The following CHODL variants were observed in gnomAD, a reference collection of about 807,000 sequenced individuals.
CHODL encodes transmembrane protein MT75.
In CHODL, 29 loss-of-function variants were observed where a neutral mutation model predicts 34.5. The ratio of observed to expected loss-of-function variants is 0.84; its 90% CI spans 0.63 to 1.15. The LOEUF is 1.15. Ranked by LOEUF, CHODL falls within the 50% of genes most tolerant of loss-of-function variation. The pLI, the probability that CHODL is intolerant of heterozygous loss-of-function variation, is 0.00. For missense variants in CHODL, 332 were observed against 332.5 expected, an observed-to-expected ratio of 1.00 and a Z score of 0.01; for synonymous variants, 125 against 116.1, an observed-to-expected ratio of 1.08 and a Z score of -0.49.
Position 18,003,146 on chromosome 21 carries a change from A to C in CHODL, c.-144-24726A>C, listed in dbSNP as rs565526634. ...CAAAAAAAAAAAAAACAAAAAAAAA[A>C]CCCAAGAGCCCTGGAGGCGTTCAAC... On this transcript the variant is annotated intron_variant, in intron 1 of 6. Coordinates refer to the CHODL transcript ENST00000400127. Among the ~76,000 whole-genome samples the C allele has an allele frequency of 7.0e-3, 1,041 of 148,268 alleles. 13 individuals carry two copies. The highest frequency in any genetic ancestry group is 0.023 in the African/African-American group (929 of 40,544).
chr21:18,043,958 T>C (rs891253605), intron 2 of CHODL, among the ~76,000 whole-genome samples: 2 of 151,798 alleles, frequency 1.3e-5, no homozygotes, highest in Non-Finnish European at 2.9e-5. Context: ...CAGAACAGTA[T>C]GTGGAAACCA....
chr21:18,095,337 C>A (rs1331049300), intron 2 of CHODL, among the ~76,000 whole-genome samples: 3 of 151,742 alleles, frequency 2.0e-5, no homozygotes, highest in Non-Finnish European at 2.9e-5. Context: ...ACAGCTGATA[C>A]CACAGAAATT....
chr21:17,991,923 C>T (rs2063800731), intron 1 of CHODL, among the ~76,000 whole-genome samples: 2 of 152,098 alleles, frequency 1.3e-5, no homozygotes, highest in South Asian at 4.2e-4. Context: ...ATGCATTTCC[C>T]CTATGTTTTC....
intron 2 of CHODL, among the ~76,000 whole-genome samples, chr21:18,193,711 T>A (rs2026858): frequency 0.022 from 2,648 of 119,556 alleles, 41 homozygotes; most frequent in African/African-American, 0.037. Flanking sequence ...AAAAAAAAAA[T>A]AAAATAAATA....
At chr21:18,211,433 ACAAT>A in intron 2 of CHODL, among the ~76,000 whole-genome samples, 1 of 152,318 alleles carries the variant, frequency 6.6e-6, no homozygotes, top group South Asian at 2.1e-4. Flanking sequence ...CAAATTAAAA[ACAAT>A]CAATGGCCCA....
At chr21:18,048,403 A>C (rs968778692) in intron 2 of CHODL, among the ~76,000 whole-genome samples, 1 of 151,974 alleles carries the variant, frequency 6.6e-6, no homozygotes, top group African/African-American at 2.4e-5. Flanking sequence ...GAATTAAAAA[A>C]CAATGAGACA....
chr21:18,029,466 CA>C (rs1044789771), intron 2 of CHODL, among the ~76,000 whole-genome samples: 25 of 152,234 alleles, frequency 1.6e-4, no homozygotes, highest in Admixed American at 1.4e-3. Context: ...GTTATGAAAA[CA>C]TAAACATTTT....
chr21:18,050,272 C>A (rs897981405), intron 2 of CHODL, among the ~76,000 whole-genome samples: 5 of 82,650 alleles, frequency 6.0e-5, no homozygotes, highest in Admixed American at 5.2e-4. Flanking sequence ...CAAATGAGAT[C>A]CTTGAAGGGG....
intron 2 of CHODL, among the ~76,000 whole-genome samples, chr21:18,051,034 C>T (rs2064508279): frequency 6.6e-6 from 1 of 151,562 alleles, no homozygotes; most frequent in Non-Finnish European, 1.5e-5. Context: ...ACTCATCAAC[C>T]CGTCATTTAC....
chr21:17,943,045 CT>C (rs1205933236), intron 1 of CHODL, among the ~76,000 whole-genome samples: 7 of 152,160 alleles, frequency 4.6e-5, no homozygotes, highest in East Asian at 1.9e-4. Context: ...AGCCATGCCC[CT>C]GGTACAGCTT....
At chr21:18,029,939 T>C (rs550753506) in intron 2 of CHODL, among the ~76,000 whole-genome samples, 1 of 152,236 alleles carries the variant, frequency 6.6e-6, no homozygotes, top group East Asian at 1.9e-4. Flanking sequence ...TGTTATTAGC[T>C]TTTATCCTCT....
chr21:18,018,095 G>A (rs66964943), intron 1 of CHODL, among the ~76,000 whole-genome samples: 30,970 of 152,022 alleles, frequency 0.2, 3,582 homozygotes, highest in African/African-American at 0.31. Flanking sequence ...TACCCACACT[G>A]TATCTTGGAA....
At chr21:18,025,725 G>C (rs1213867770) in intron 1 of CHODL, among the ~76,000 whole-genome samples, 1 of 151,918 alleles carries the variant, frequency 6.6e-6, no homozygotes, top group Non-Finnish European at 1.5e-5. Flanking sequence ...GAGCTAGAAG[G>C]CTGCGATCAA....
intron 1 of CHODL, among the ~76,000 whole-genome samples, chr21:17,977,293 G>A (rs184415414): frequency 1.2e-4 from 18 of 151,782 alleles, no homozygotes; most frequent in African/African-American, 4.1e-4. Flanking sequence ...AAGATTAGAT[G>A]TCTGGTACTC....
rs183422595 is a variant in CHODL, at chr21:18,084,029, T to C, written c.-45+56058T>C. 1.6e-4 allele frequency among the ~76,000 whole-genome samples: 24 copies of C among 152,268 alleles called. No homozygotes were observed. In the East Asian group the frequency reaches 3.5e-3, roughly 22 times the overall value. On this transcript the variant is annotated intron_variant, in intron 2 of 6. Coordinates refer to the CHODL transcript ENST00000400127. ...TCCCCACTCAAATCTCATCTTGAATTGTAATCCACATGTGTCAGGAAAGGG... is the reference window on the plus strand; with the variant it reads ...TCCCCACTCAAATCTCATCTTGAATCGTAATCCACATGTGTCAGGAAAGGG...
chr21:18,071,462 T>G (rs564888817), intron 2 of CHODL, among the ~76,000 whole-genome samples: 1 of 152,088 alleles, frequency 6.6e-6, no homozygotes, highest in South Asian at 2.1e-4. Context: ...GCTCTTTCAG[T>G]TGGTCTCCCT....
chr21:17,924,163 T>A (rs935863149), intron 1 of CHODL, among the ~76,000 whole-genome samples: 1 of 152,208 alleles, frequency 6.6e-6, no homozygotes, highest in African/African-American at 2.4e-5. Flanking sequence ...CAAAGGCATG[T>A]ACACAAGGGG....
chr21:18,076,320 A>T (rs2064865970), intron 2 of CHODL, among the ~76,000 whole-genome samples: 1 of 152,200 alleles, frequency 6.6e-6, no homozygotes, highest in African/African-American at 2.4e-5. Context: ...GGAACATGTT[A>T]TTGGAGGAAA....
intron 1 of CHODL, among the ~76,000 whole-genome samples, chr21:17,960,912 C>T (rs546864473): frequency 1.3e-5 from 2 of 152,188 alleles, no homozygotes; most frequent in Non-Finnish European, 2.9e-5. Flanking sequence ...TTTGTACTCT[C>T]TGCTGTGTTT....
Sources: allele counts gnomAD v4.1 joint callset (sites outside exome capture counted in the v4.1 genomes callset), GRCh38; gene constraint gnomAD v4.1.1; transcripts MANE v1.5; gene names NCBI Gene and HGNC (gene_info 2026-07-23, HGNC 2026-07-21).